Variants in TFB1M observed in about 807,000 individuals in gnomAD.
The protein encoded by TFB1M is dimethyladenosine transferase 1, mitochondrial.
In TFB1M, 27 loss-of-function variants were observed where a neutral mutation model predicts 31.1. The ratio of observed to expected loss-of-function variants is 0.87; its 90% CI spans 0.64 to 1.20. The LOEUF (loss-of-function observed/expected upper bound fraction) is 1.20, where lower values mean the gene tolerates loss of function less well. TFB1M is among the 50% of genes most tolerant of loss of function. The pLI is 0.00. For synonymous variants in TFB1M, 166 were observed against 151.8 expected (o/e 1.09, Z -0.69); for missense variants, 394 against 418.7 (o/e 0.94, Z 0.51).
At chr6:155,304,911 C>T (rs1349857022) in intron 2 of TFB1M, among the ~76,000 whole-genome samples, 1 of 150,276 alleles carries the variant, frequency 6.7e-6, no homozygotes, top group Non-Finnish European at 1.5e-5. Flanking sequence ...AGAAATAAAC[C>T]GACACACATA....
At chr6:155,240,612 A>C in the TFB1M span, 1 of 1,614,036 alleles carries the variant, frequency 6.2e-7, no homozygotes, top group African/African-American at 1.3e-5. Context: ...GAGAATCAGG[A>C]TCCTCCTCCG....
At chr6:155,265,868 C>G (rs1784613682) in intron 5 of TFB1M, among the ~76,000 whole-genome samples, 1 of 151,096 alleles carries the variant, frequency 6.6e-6, no homozygotes, top group Non-Finnish European at 1.5e-5. Flanking sequence ...GGCTGAGAAG[C>G]AAGGAGAGCC....
chr6:155,281,076 T>C (rs889626527), intron 5 of TFB1M, among the ~76,000 whole-genome samples: 3 of 152,198 alleles, frequency 2.0e-5, no homozygotes, highest in Non-Finnish European at 2.9e-5. Flanking sequence ...TTATAATCCT[T>C]ATTTTTATAT....
chr6:155,252,567 C>T (rs547529087), downstream of TFB1M, among the ~76,000 whole-genome samples: 11 of 152,302 alleles, frequency 7.2e-5, no homozygotes, highest in Admixed American at 1.3e-4. Context: ...ATGTTTGTTC[C>T]ATAAACATAG....
At chr6:155,290,329 C>T (rs533537520) in intron 4 of TFB1M, among the ~76,000 whole-genome samples, 30 of 142,826 alleles carry the variant, frequency 2.1e-4, no homozygotes, top group Non-Finnish European at 3.4e-4. Flanking sequence ...GGGCTTGCAG[C>T]GAGCCGAGAT....
At position 155,295,521 on chromosome 6, in the gene TFB1M, G is replaced by A. The variant is rs542629355; in HGVS notation, c.546+1432C>T. Among the ~76,000 whole-genome samples, 19 of 152,128 alleles carry A rather than the reference G, an allele frequency of 1.2e-4. 1 individual carries two copies. The highest frequency in any genetic ancestry group is 2.4e-4 in the Non-Finnish European group (16 of 68,026). ...GCAATCAGAGTAAGGAATACAATGG[G>A]GTCTCAAAGGTACTAGTGATTTAAT... On this transcript the variant is annotated intron_variant, in intron 4 of 6. Transcript: ENST00000367166.
At chr6:155,255,195 T>A (rs1364085382), downstream of TFB1M, 1 of 152,302 alleles carries the variant, frequency 6.6e-6, no homozygotes, top group Non-Finnish European at 1.5e-5. Flanking sequence ...GCCGCAGTGG[T>A]TAGTAGGTAC....
intron 2 of TFB1M, among the ~76,000 whole-genome samples, chr6:155,309,173 A>C (rs1438930465): frequency 6.6e-6 from 1 of 152,260 alleles, no homozygotes; most frequent in African/African-American, 2.4e-5. Flanking sequence ...ATTTAATGAT[A>C]CATTTAATTA....
chr6:155,233,868 TGG>T, the TFB1M span, among the ~76,000 whole-genome samples: 1 of 151,456 alleles, frequency 6.6e-6, no homozygotes, highest in Non-Finnish European at 1.5e-5. Flanking sequence ...GAGGCTGAGG[TGG>T]GAGGGTTGCT....
intron 5 of TFB1M, among the ~76,000 whole-genome samples, chr6:155,274,456 C>CTT (rs1188016608): frequency 6.6e-6 from 1 of 152,174 alleles, no homozygotes; most frequent in Non-Finnish European, 1.5e-5. Context: ...TTCTGGTATC[C>CTT]TTTCACATAC....
At chr6:155,300,849 G>A (rs985486337) in intron 2 of TFB1M, among the ~76,000 whole-genome samples, 32 of 152,076 alleles carry the variant, frequency 2.1e-4, no homozygotes, top group African/African-American at 7.2e-4. Context: ...CTGTTGCCCA[G>A]GCTGGAGTGC....
chr6:155,283,154 T>C (rs1261430893), intron 5 of TFB1M, among the ~76,000 whole-genome samples: 1 of 152,170 alleles, frequency 6.6e-6, no homozygotes, highest in Non-Finnish European at 1.5e-5. Context: ...AGAATTCTTT[T>C]AGAACTAAAA....
the TFB1M span, among the ~76,000 whole-genome samples, chr6:155,237,312 G>C: frequency 6.6e-6 from 1 of 152,260 alleles, no homozygotes; most frequent in Non-Finnish European, 1.5e-5. Flanking sequence ...GTCTTGGGTA[G>C]CTCTGTCCCT....
intron 5 of TFB1M, among the ~76,000 whole-genome samples, chr6:155,278,277 C>A (rs1785311776): frequency 6.6e-6 from 1 of 152,242 alleles, no homozygotes; most frequent in Non-Finnish European, 1.5e-5. Flanking sequence ...GAAGTTCAAG[C>A]CCGCATCTGC....
chr6:155,238,006 C>T, the TFB1M span, among the ~76,000 whole-genome samples: 2 of 152,206 alleles, frequency 1.3e-5, no homozygotes, highest in Non-Finnish European at 2.9e-5. Context: ...TTTGCTATTG[C>T]ATTGTCAGGC....
At chr6:155,234,226 T>C in the TFB1M span, among the ~76,000 whole-genome samples, 1 of 152,196 alleles carries the variant, frequency 6.6e-6, no homozygotes, top group African/African-American at 2.4e-5. Flanking sequence ...TTTTTTATTC[T>C]GCATATGCAC....
chr6:155,254,182 C>T (rs986282876), downstream of TFB1M: 57 of 1,152,086 alleles, frequency 4.9e-5, no homozygotes, highest in Admixed American at 6.2e-4. Flanking sequence ...CCCCACCCTC[C>T]GAAAAAGGCA....
At position 155,298,651 on chromosome 6, in the gene TFB1M, T is replaced by A. The variant is rs1313241944; in HGVS notation, c.286-66A>T. The A allele has an allele frequency of 3.7e-6, 4 of 1,090,022 alleles. No homozygotes were observed. The East Asian group carries it at 9.5e-5, about 26-fold the overall frequency. The allele number at this position is 1,090,022 out of a possible 1,614,324, so 67.5% of individuals were successfully genotyped here. A position where few individuals can be genotyped will look rare whatever the true frequency, so the allele number is the denominator to read the frequency against. On this transcript the variant is annotated intron_variant, in intron 2 of 6. Transcript: ENST00000367166. ...ATGCGAGTAACAAAACTAAACTTTT[T>A]AAACCTGTGCATTTAAAAAATCAGT...
chr6:155,236,249 A>T, the TFB1M span, among the ~76,000 whole-genome samples: 1 of 151,860 alleles, frequency 6.6e-6, no homozygotes. Context: ...GGGACAGGTG[A>T]TCCCACTGGA....
Sources: gnomAD v4.1 joint callset for allele counts (sites outside exome capture counted in the v4.1 genomes callset) on GRCh38, gnomAD v4.1.1 for gene constraint, MANE v1.5 for transcripts, NCBI Gene and HGNC (gene_info 2026-07-23, HGNC 2026-07-21) for gene names.